Variants in PKD2L1 observed in about 807,000 individuals in gnomAD.
PKD2L1 encodes polycystin-2-like protein 1.
A neutral mutation model predicts 93.0 loss-of-function variants in PKD2L1; 77 were observed. The ratio of observed to expected loss-of-function variants is 0.83; its 90% CI spans 0.69 to 1.00. The LOEUF (loss-of-function observed/expected upper bound fraction) is 1.00, where lower values mean the gene tolerates loss of function less well. Ranked by LOEUF, PKD2L1 falls within the 50% of genes least tolerant of loss-of-function variation. The pLI is 0.00. For missense variants in PKD2L1, 977 were observed against 990.9 expected (o/e 0.99, Z 0.19); for synonymous variants, 390 against 388.0 (o/e 1.01, Z -0.06).
chr10:100,320,896 C>T (rs1016472163), intron 2 of PKD2L1, among the ~76,000 whole-genome samples: 18 of 152,080 alleles, frequency 1.2e-4, no homozygotes, highest in African/African-American at 4.1e-4. Context: ...CTTTTGCCCT[C>T]GTGGTAATCT....
At position 100,299,715 on chromosome 10, in the gene PKD2L1, G is replaced by A. The variant is rs367963380; in HGVS notation, c.353C>T (p.Thr118Ile). The stretch of plus-strand genomic sequence containing the variant: ...AGCACTGGAGCTTGTCATTCCATAG[G>A]TCACTAGAAAACAACCCAAGAGGCT... ...IVFLVDICLL[T>I]YGMTSSSAYY... is the part of the protein sequence containing the mutation. Residue 118 changes from threonine (T) to isoleucine (I), a missense_variant, in exon 3 of 16, where the codon ACC becomes ATC. Coordinates refer to ENST00000318222, the MANE Select transcript of PKD2L1 (RefSeq NM_016112.3). 3.7e-6 allele frequency: 6 copies of A among 1,613,622 alleles called. No individual in the cohort carries two copies. The highest frequency in any genetic ancestry group is 4.2e-6 in the Non-Finnish European group (5 of 1,179,588).
chr10:100,296,051 A>G, intron 7 of PKD2L1, 71 bp downstream of exon 7: 4 of 1,419,212 alleles, frequency 2.8e-6, no homozygotes, highest in Non-Finnish European at 2.9e-6. Flanking sequence ...AAAAAAAAGA[A>G]AAAAAAGAAA....
intron 3 of PKD2L1, 69 bp downstream of exon 3, chr10:100,299,522 C>T (rs575966675): frequency 5.0e-6 from 7 of 1,397,502 alleles, no homozygotes; most frequent in South Asian, 3.5e-5. Context: ...AGGTCTGATC[C>T]GTTGTCTGAC....
At chr10:100,311,471 G>A (rs1423400281) in intron 2 of PKD2L1, among the ~76,000 whole-genome samples, 1 of 152,150 alleles carries the variant, frequency 6.6e-6, no homozygotes, top group Admixed American at 6.5e-5. Flanking sequence ...TCATGAGCTT[G>A]GGTAATAACC....
At chr10:100,306,159 A>C (rs1204447850) in intron 2 of PKD2L1, among the ~76,000 whole-genome samples, 1 of 152,116 alleles carries the variant, frequency 6.6e-6, no homozygotes, top group Admixed American at 6.5e-5. Flanking sequence ...CCCCTAAAAA[A>C]CATGGATTGC....
chr10:100,318,521 C>CT (rs535608372), intron 2 of PKD2L1, among the ~76,000 whole-genome samples: 24,956 of 139,612 alleles, frequency 0.18, 2,473 homozygotes, highest in South Asian at 0.38. Context: ...TTTTTCTTTT[C>CT]TTTTTTTTTT....
chr10:100,328,437 A>G (rs1301492922), intron 2 of PKD2L1, among the ~76,000 whole-genome samples: 2 of 152,084 alleles, frequency 1.3e-5, no homozygotes, highest in Non-Finnish European at 2.9e-5. Context: ...CTTAACAGGG[A>G]TCTGAGATCT....
intron 2 of PKD2L1, among the ~76,000 whole-genome samples, chr10:100,306,077 C>T (rs974453723): frequency 1.6e-4 from 24 of 151,938 alleles, no homozygotes; most frequent in African/African-American, 5.6e-4. Flanking sequence ...CCCAGCTACT[C>T]GGTGAGAGAT....
intron 5 of PKD2L1, 50 bp from the exon 6 acceptor site, chr10:100,297,258 C>T: frequency 6.4e-7 from 1 of 1,568,360 alleles, no homozygotes; most frequent in Non-Finnish European, 8.8e-7. Flanking sequence ...GCTGGGACGG[C>T]TCCTCCCACT....
chr10:100,319,768 C>T (rs1352638638), intron 2 of PKD2L1, among the ~76,000 whole-genome samples: 1 of 152,260 alleles, frequency 6.6e-6, no homozygotes, highest in Non-Finnish European at 1.5e-5. Flanking sequence ...TCTCTGCCCT[C>T]CTCCCCAGCT....
intron 15 of PKD2L1, 103 bp from the exon 16 acceptor site, chr10:100,288,581 C>T (rs947635429): frequency 1.9e-5 from 14 of 755,786 alleles, no homozygotes; most frequent in African/African-American, 3.5e-5. Context: ...ATCTAGATAC[C>T]GCCTACTCTC....
Position 100,295,065 on chromosome 10 carries a change from C to G in PKD2L1, c.1415G>C (p.Arg472Pro). The G allele has an allele frequency of 6.2e-7, 1 of 1,614,010 alleles. No homozygotes were observed. ...TMTQLSSTLA[R>P]CAKDILGFAV... ...GAAGCCCAGGATGTCCTTGGCACAG[C>G]GGGCCAGCGTGGAGGAGAGCTGGGT... Residue 472 changes from arginine (R) to proline (P), a missense_variant, in exon 8 of 16, where the codon CGC (arginine) becomes CCC (proline). Physicochemically the swap from Arg to Pro is moderately radical, Grantham distance 103 (BLOSUM62 -2). Coordinates refer to ENST00000318222, the MANE Select transcript of PKD2L1 (RefSeq NM_016112.3).
intron 2 of PKD2L1, among the ~76,000 whole-genome samples, chr10:100,301,927 C>G (rs2134387388): frequency 6.6e-6 from 1 of 152,324 alleles, no homozygotes; most frequent in Admixed American, 6.5e-5. Context: ...ACTCCGCCTC[C>G]TGGATTCAAG....
intron 2 of PKD2L1, among the ~76,000 whole-genome samples, chr10:100,321,876 C>G (rs71496520): frequency 0.86 from 6,336 of 7,366 alleles, 2,905 homozygotes; most frequent in Non-Finnish European, 0.92. Flanking sequence ...GGCAGGCAGG[C>G]AGGGAGGGAG....
chr10:100,309,823 G>A (rs1848891259), intron 2 of PKD2L1, among the ~76,000 whole-genome samples: 1 of 152,190 alleles, frequency 6.6e-6, no homozygotes, highest in Non-Finnish European at 1.5e-5. Context: ...GCAAAACTGA[G>A]TAACAGAAAC....
Position 100,288,162 on chromosome 10 carries a change from T to A in PKD2L1, c.*234A>T. The stretch of plus-strand genomic sequence containing the variant: ...GCAAAGTCCAAGTTTTCCTAAGGAG[T>A]TTTATTGATAGCCACCATGGAAACC... On this transcript the variant is annotated 3_prime_UTR_variant, in exon 16 of 16. Transcript: ENST00000318222. 1 of 464,340 alleles carries A rather than the reference T, an allele frequency of 2.2e-6. No homozygotes were observed. Among genetic ancestry groups the A allele is most frequent in the Non-Finnish European group, 3.9e-6 (1 of 258,246 alleles). 28.8% of individuals were successfully genotyped at this position (464,340 alleles called of 1,614,324 possible). A position where few individuals can be genotyped will look rare whatever the true frequency, so the allele number is the denominator to read the frequency against.
At chr10:100,326,587 T>C (rs2133575652) in intron 2 of PKD2L1, among the ~76,000 whole-genome samples, 1 of 152,296 alleles carries the variant, frequency 6.6e-6, no homozygotes, top group Non-Finnish European at 1.5e-5. Context: ...CCGTGGCATA[T>C]TTTGTCCAGT....
At chr10:100,294,417 C>G (rs1848472656) in intron 9 of PKD2L1, 118 bp downstream of exon 9, 1 of 1,071,096 alleles carries the variant, frequency 9.3e-7, no homozygotes. Context: ...CATCGGCCCC[C>G]CCACTCACTC....
chr10:100,297,182 C>G lies in PKD2L1; in HGVS notation c.983G>C (p.Gly328Ala). Residue 328 changes from glycine (G) to alanine (A), a missense_variant, in exon 6 of 16, where the codon GGA becomes GCA. Physicochemically the swap from Gly to Ala is moderately conservative, Grantham distance 60. Coordinates refer to ENST00000318222, the MANE Select transcript of PKD2L1 (RefSeq NM_016112.3). ...LRLVVEFPAT[G>A]GAIPSWQIRT... ...GATTTGCCAGGATGGGATGGCACCT[C>G]CTGTAGCTGGAAACTCCACCACCAG... 6.2e-7 allele frequency: 1 copy of G among 1,614,010 alleles called. No homozygotes were observed. Among genetic ancestry groups the G allele is most frequent in the South Asian group, 1.1e-5 (1 of 91,080 alleles).
Sources: gnomAD v4.1 joint callset for allele counts (sites outside exome capture counted in the v4.1 genomes callset) on GRCh38, gnomAD v4.1.1 for gene constraint, MANE v1.5 for transcripts, NCBI Gene and HGNC (gene_info 2026-07-23, HGNC 2026-07-21) for gene names.